The following BCL2 variants were observed in gnomAD, a reference collection of about 807,000 sequenced individuals.
BCL2 encodes apoptosis regulator Bcl-2.
BCL2 carries 1 observed loss-of-function variant against 14.2 expected under a neutral mutation model. The ratio of observed to expected loss-of-function variants is 0.07; its 90% CI spans 0.02 to 0.33. The LOEUF (loss-of-function observed/expected upper bound fraction) is 0.33, where lower values mean the gene tolerates loss of function less well. Ranked by LOEUF, BCL2 falls within the 10% of genes least tolerant of loss-of-function variation. The pLI is 0.99. For synonymous variants in BCL2, 151 were observed against 137.2 expected (o/e 1.10, Z -0.70); for missense variants, 247 against 305.9 (o/e 0.81, Z 1.44).
At chr18:63,255,462 A>C (rs749723431) in intron 2 of BCL2, among the ~76,000 whole-genome samples, 1 of 152,254 alleles carries the variant, frequency 6.6e-6, no homozygotes, top group Non-Finnish European at 1.5e-5. Context: ...CTAATTGGAA[A>C]GCCGTATCTG....
In BCL2 at chr18:63,316,137, A is replaced by C. The variant is rs531852658; in HGVS notation, c.585+1945T>G. On this transcript the variant is annotated intron_variant, in intron 2 of 2. Transcript: ENST00000333681. ...AAAACTCTGTTTCACAAAAAGAAAA[A>C]AGTGAGCCTTTACTTAAAAAGAAAC... 1.2e-4 allele frequency: 18 copies of C among 152,668 alleles called. No individual in the cohort carries two copies. In the East Asian group the frequency reaches 3.1e-3, roughly 26 times the overall value. The allele number at this position is 152,668 out of a possible 1,614,324, so 9.5% of individuals were successfully genotyped here. A position where few individuals can be genotyped will look rare whatever the true frequency, so the allele number is the denominator to read the frequency against.
intron 2 of BCL2, among the ~76,000 whole-genome samples, chr18:63,304,571 A>AT (rs1282571214): frequency 6.6e-6 from 1 of 152,054 alleles, no homozygotes; most frequent in East Asian, 1.9e-4. Flanking sequence ...TGTTCTTTTA[A>AT]TTTTTTTGTT....
intron 2 of BCL2, among the ~76,000 whole-genome samples, chr18:63,193,582 A>G (rs201926383): frequency 0.011 from 1,563 of 139,418 alleles, 22 homozygotes; most frequent in South Asian, 0.055. Context: ...AGTAGTATGT[A>G]TGTGTGTGTG....
rs752310933 is a variant in BCL2, at chr18:63,318,126, G to C, written c.541C>G (p.Leu181Val). ...DNIALWMTEYLNRHLHTWIQD... is the reference protein window; with the variant it reads ...DNIALWMTEYVNRHLHTWIQD... ...ATCCAGGTGTGCAGGTGCCGGTTCA[G>C]GTACTCAGTCATCCACAGGGCGATG... Residue 181 changes from leucine (L) to valine (V), a missense_variant, in exon 2 of 3, where the codon CTG becomes GTG. Physicochemically the swap from Leu to Val is conservative, Grantham distance 32. Around this residue, in one of 3 missense-constraint regions of BCL2, gnomAD observed 67 missense variants for 145.7 expected, o/e 0.46. Transcript: ENST00000333681. This position sits in a 1 kb window ranked among gnomAD's most constrained non-coding sequence, Gnocchi z 7.4. 6.2e-7 allele frequency: 1 copy of C among 1,614,090 alleles called. No homozygotes were observed. Among genetic ancestry groups the C allele is most frequent in the Non-Finnish European group, 8.5e-7 (1 of 1,180,018 alleles).
chr18:63,223,556 G>C (rs1910463559), intron 2 of BCL2, among the ~76,000 whole-genome samples: 1 of 152,148 alleles, frequency 6.6e-6, no homozygotes, highest in African/African-American at 2.4e-5. Flanking sequence ...TTTGGAATTG[G>C]GAGATGCCAC....
intron 2 of BCL2, among the ~76,000 whole-genome samples, chr18:63,178,078 C>T (rs1168017974): frequency 6.6e-6 from 1 of 152,204 alleles, no homozygotes; most frequent in African/African-American, 2.4e-5. Flanking sequence ...GCCAAGTCCC[C>T]TGAGCAAGAG....
intron 2 of BCL2, among the ~76,000 whole-genome samples, chr18:63,253,287 C>T (rs72945019): frequency 0.058 from 8,875 of 152,206 alleles, 433 homozygotes; most frequent in Non-Finnish European, 0.088. Context: ...GGCAGACCAT[C>T]TCCAGTCCAT....
rs764321803 is a variant in BCL2 at position 63,212,234 on chromosome 18, GA to G, written c.586-83476del. Among the ~76,000 whole-genome samples the G allele has an allele frequency of 1.4e-3, 205 of 151,562 alleles. 1 individual carries two copies. Among genetic ancestry groups the G allele is most frequent in the South Asian group, 2.7e-3 (13 of 4,814 alleles). On this transcript the variant is annotated intron_variant, in intron 2 of 2. Coordinates refer to ENST00000333681, the MANE Select transcript of BCL2 (RefSeq NM_000633.3). ...CCAGCTACTCGGGAGGCTGAGGCGA[GA>G]CAGAATTGCTTGAACCCAGGAGGCA...
chr18:63,295,383 G>C (rs1193907934), intron 2 of BCL2, among the ~76,000 whole-genome samples: 1 of 152,126 alleles, frequency 6.6e-6, no homozygotes, highest in Non-Finnish European at 1.5e-5. Context: ...GATCTCATTT[G>C]CCATAGACCT....
intron 2 of BCL2, among the ~76,000 whole-genome samples, chr18:63,281,734 A>AAGAAAGAAAGAAAGAAAGAAAG (rs1555707217): frequency 1.4e-5 from 2 of 144,234 alleles, no homozygotes; most frequent in African/African-American, 5.3e-5. Flanking sequence ...GAAAGAAAGA[A>AAGAAAGAAAGAAAGAAAGAAAG]AGAAAAAGAG....
intron 2 of BCL2, among the ~76,000 whole-genome samples, chr18:63,237,532 T>C (rs1910875296): frequency 6.6e-6 from 1 of 152,224 alleles, no homozygotes; most frequent in Non-Finnish European, 1.5e-5. Flanking sequence ...TGTCTTTTGC[T>C]TTCTCTTACC....
At chr18:63,174,677 G>A (rs771638331) in intron 2 of BCL2, among the ~76,000 whole-genome samples, 17 of 151,850 alleles carry the variant, frequency 1.1e-4, no homozygotes, top group Admixed American at 9.8e-4. Flanking sequence ...AAAACTAGCC[G>A]GGCGTAGTGG....
At chr18:63,157,351 C>T (rs2096492735) in intron 2 of BCL2, among the ~76,000 whole-genome samples, 1 of 152,184 alleles carries the variant, frequency 6.6e-6, no homozygotes, top group African/African-American at 2.4e-5. Flanking sequence ...GGATATGCCG[C>T]CCAGGAGGGT....
chr18:63,278,350 A>G (rs895933571), intron 2 of BCL2, among the ~76,000 whole-genome samples: 17 of 152,190 alleles, frequency 1.1e-4, no homozygotes, highest in African/African-American at 4.1e-4. Flanking sequence ...CCTAGATCAA[A>G]CTCAGGTCGG....
At chr18:63,311,090 A>C (rs1039703812) in intron 2 of BCL2, among the ~76,000 whole-genome samples, 4 of 151,476 alleles carry the variant, frequency 2.6e-5, no homozygotes, top group African/African-American at 9.7e-5. Context: ...ACTTAATTTT[A>C]TTCCTATTTT....
At chr18:63,226,116 A>G (rs1910536513) in intron 2 of BCL2, among the ~76,000 whole-genome samples, 1 of 152,234 alleles carries the variant, frequency 6.6e-6, no homozygotes, top group Non-Finnish European at 1.5e-5. Context: ...AAGTCCAGCC[A>G]TCCCTGGCCA....
intron 2 of BCL2, among the ~76,000 whole-genome samples, chr18:63,212,781 C>T (rs1305036472): frequency 6.6e-6 from 1 of 151,900 alleles, no homozygotes; most frequent in Non-Finnish European, 1.5e-5. Context: ...GAGGCTGAGG[C>T]AGGAGAATCA....
At chr18:63,298,508 T>G (rs1912864496) in intron 2 of BCL2, among the ~76,000 whole-genome samples, 1 of 152,198 alleles carries the variant, frequency 6.6e-6, no homozygotes, top group Admixed American at 6.5e-5. Context: ...ATCCCTTTCT[T>G]TGGGACAAAG....
At chr18:63,261,152 A>AG (rs1911648288) in intron 2 of BCL2, among the ~76,000 whole-genome samples, 1 of 152,320 alleles carries the variant, frequency 6.6e-6, no homozygotes, top group African/African-American at 2.4e-5. Flanking sequence ...TTAGTTTGCA[A>AG]GGAAAGGTTA....
Sources: allele counts gnomAD v4.1 joint callset (sites outside exome capture counted in the v4.1 genomes callset), GRCh38; gene constraint gnomAD v4.1.1; regional missense constraint gnomAD v4.1.1; non-coding constraint Gnocchi (gnomAD v3.1); transcripts MANE v1.5; gene names NCBI Gene and HGNC (gene_info 2026-07-23, HGNC 2026-07-21).